Variants in GPC1 observed in about 807,000 individuals in gnomAD.
GPC1 encodes the protein glypican 1.
GPC1 carries 26 observed loss-of-function variants against 51.5 expected under a neutral mutation model. The ratio of observed to expected loss-of-function variants is 0.50; its 90% CI spans 0.37 to 0.70. The LOEUF is 0.70. Ranked by LOEUF, GPC1 falls within the 30% of genes least tolerant of loss-of-function variation. The pLI, the probability that GPC1 is intolerant of heterozygous loss-of-function variation, is 0.00. For missense variants in GPC1, 775 were observed against 800.5 expected, an observed-to-expected ratio of 0.97 and a Z score of 0.38; for synonymous variants, 380 against 348.3, an observed-to-expected ratio of 1.09 and a Z score of -1.01.
At chr2:240,447,443 CGGAT>C (rs2074058321) in intron 1 of GPC1, among the ~76,000 whole-genome samples, 1 of 152,172 alleles carries the variant, frequency 6.6e-6, no homozygotes, top group Non-Finnish European at 1.5e-5. Flanking sequence ...GTGGAGCCGG[CGGAT>C]GGAGGGGGAG....
chr2:240,463,096 G>A (rs543815552), intron 3 of GPC1, among the ~76,000 whole-genome samples: 21 of 151,312 alleles, frequency 1.4e-4, no homozygotes, highest in Non-Finnish European at 2.7e-4. Context: ...GGCAAGTCAT[G>A]CCTTGGTTTC....
At chr2:240,454,916 G>A in intron 1 of GPC1, 1 of 219,210 alleles carries the variant, frequency 4.6e-6, no homozygotes, top group South Asian at 5.2e-5. Flanking sequence ...GCCACTGTCA[G>A]GATGGGAGTC....
chr2:240,450,943 G>A (rs920631946), intron 1 of GPC1: 6 of 404,800 alleles, frequency 1.5e-5, no homozygotes, highest in Admixed American at 2.8e-5. Context: ...TGAGGGGAAA[G>A]CATGTGAGAT....
chr2:240,464,541 A>AT (rs2074243660), intron 4 of GPC1, 75 bp from the exon 5 acceptor site: 1 of 289,106 alleles, frequency 3.5e-6, no homozygotes, highest in Non-Finnish European at 5.1e-6. Context: ...ACACGTGGTG[A>AT]CGCCTGCGTG....
intron 4 of GPC1, 116 bp from the exon 5 acceptor site, chr2:240,464,500 G>A: frequency 2.2e-6 from 3 of 1,382,492 alleles, no homozygotes; most frequent in Non-Finnish European, 3.1e-6. Flanking sequence ...CTCCCATGCT[G>A]ACCCGTGCTG....
chr2:240,457,354 G>T (rs1303080259), intron 1 of GPC1: 2 of 445,256 alleles, frequency 4.5e-6, no homozygotes, highest in Admixed American at 4.7e-5. Flanking sequence ...AGCCGCCCAA[G>T]CCCGGATTCG....
At chr2:240,436,535 A>G (rs1018889621) in intron 1 of GPC1, among the ~76,000 whole-genome samples, 3 of 152,150 alleles carry the variant, frequency 2.0e-5, no homozygotes, top group African/African-American at 7.2e-5. Context: ...GGCGCCGCTG[A>G]CGGTGGCCGC....
At chr2:240,452,885 C>G (rs762032345) in intron 1 of GPC1, 2 of 239,336 alleles carry the variant, frequency 8.4e-6, no homozygotes, top group South Asian at 8.0e-5. Flanking sequence ...GACCGCAGCC[C>G]GCCCTCGTCC....
chr2:240,462,242 T>A lies in GPC1; in HGVS notation c.377T>A (p.Phe126Tyr). Reference protein sequence around the residue: ...NDSERTLQATFPGAFGELYTQ... With the variant: ...NDSERTLQATYPGAFGELYTQ... ...TCGGAGCGGACGCTGCAGGCCACCT[T>A]CCCCGGCGCCTTCGGAGAGCTGTAC... Residue 126 changes from phenylalanine to tyrosine, a missense_variant, in exon 3 of 9, where the codon TTC becomes TAC. Physicochemically the swap from Phe to Tyr is conservative, Grantham distance 22. Transcript: ENST00000264039. 6.2e-7 allele frequency: 1 copy of A among 1,610,304 alleles called. No individual in the cohort carries two copies. The highest frequency in any genetic ancestry group is 1.3e-5 in the African/African-American group (1 of 74,962).
chr2:240,459,337 G>C (rs1045064047), intron 2 of GPC1, 149 bp downstream of exon 2: 1 of 779,482 alleles, frequency 1.3e-6, no homozygotes, highest in African/African-American at 1.7e-5. Context: ...TAGGGCGCTG[G>C]GTTGAAGCCC....
intron 8 of GPC1, 30 bp from the exon 9 acceptor site, chr2:240,466,020 GTGGGGACC>G: frequency 7.2e-7 from 1 of 1,385,038 alleles, no homozygotes; most frequent in Non-Finnish European, 1.0e-6. Flanking sequence ...GGGGTCTCCT[GTGGGGACC>G]TGCCTGCCGG....
chr2:240,450,603 G>C (rs1361674562), intron 1 of GPC1: 1 of 470,818 alleles, frequency 2.1e-6, no homozygotes, highest in Non-Finnish European at 4.4e-6. Flanking sequence ...GAACAAGGGA[G>C]CCCTCACCAT....
intron 2 of GPC1, 58 bp from the exon 3 acceptor site, chr2:240,462,133 G>A: frequency 6.7e-7 from 1 of 1,481,610 alleles, no homozygotes; most frequent in Non-Finnish European, 9.0e-7. Context: ...CCCTGCTCTG[G>A]TCCAGCTGCC....
chr2:240,457,335 C>T (rs926660254), intron 1 of GPC1: 27 of 441,648 alleles, frequency 6.1e-5, no homozygotes, highest in African/African-American at 4.6e-4. Context: ...GCTACAGGGG[C>T]CAAGCGGCAG....
At chr2:240,445,292 C>T (rs2074042121) in intron 1 of GPC1, among the ~76,000 whole-genome samples, 1 of 152,136 alleles carries the variant, frequency 6.6e-6, no homozygotes, top group African/African-American at 2.4e-5. Context: ...GGGAAGGTCC[C>T]CTGGGATAGG....
At chr2:240,439,823 C>T (rs2074006649) in intron 1 of GPC1, among the ~76,000 whole-genome samples, 1 of 152,226 alleles carries the variant, frequency 6.6e-6, no homozygotes, top group African/African-American at 2.4e-5. Flanking sequence ...TGGTCCTCAG[C>T]CTTTGCTGTG....
chr2:240,465,115 C>T lies in GPC1; in HGVS notation c.1173C>T (p.Asp391=), dbSNP rs2074250059. The T allele has an allele frequency of 1.9e-6, 3 of 1,611,494 alleles. No individual in the cohort carries two copies. The highest frequency in any genetic ancestry group is 1.7e-5 in the Admixed American group (1 of 59,832). ...AGGCCCAGCTCCGCGACGTCCAGGA[C>T]TTCTGGATCAGCCTCCCAGGGACAC... The part of the protein sequence containing the change: ...EAKAQLRDVQ[D]FWISLPGTLC... The change falls in exon 7 of 9, where the codon GAC becomes GAT. Residue 391 remains aspartate (D), a synonymous_variant. Coordinates refer to ENST00000264039, the MANE Select transcript of GPC1 (RefSeq NM_002081.3).
rs1276340961 is a variant in GPC1 at position 240,436,029 on chromosome 2, G to C, written c.111G>C (p.Gln37His). The C allele has an allele frequency of 1.4e-6, 2 of 1,385,558 alleles. No individual in the cohort carries two copies. The highest frequency in any genetic ancestry group is 1.5e-5 in the African/African-American group (1 of 67,260). The allele number at this position is 1,385,558 out of a possible 1,614,324, so 85.8% of individuals were successfully genotyped here. A position where few individuals can be genotyped will look rare whatever the true frequency, so the allele number is the denominator to read the frequency against. The change falls in exon 1 of 9, where the codon CAG (glutamine) becomes CAC (histidine). Residue 37 changes from glutamine to histidine, a missense_variant. Gln to His is a conservative substitution (Grantham distance 24). Transcript: ENST00000264039. ...GCCGGAGCTGCGGCGAGGTCCGCCA[G>C]ATCTACGGAGCCAAGGGCTTCAGCC... Reference protein sequence around the residue: ...SKSRSCGEVRQIYGAKGFSLS... With the variant: ...SKSRSCGEVRHIYGAKGFSLS...
chr2:240,446,702 C>T (rs2074052913), intron 1 of GPC1, among the ~76,000 whole-genome samples: 1 of 152,178 alleles, frequency 6.6e-6, no homozygotes, highest in African/African-American at 2.4e-5. Flanking sequence ...CCACCTGGGG[C>T]TCCTCCCCAA....
Sources: allele counts gnomAD v4.1 joint callset (sites outside exome capture counted in the v4.1 genomes callset), GRCh38; gene constraint gnomAD v4.1.1; transcripts MANE v1.5; gene names NCBI Gene and HGNC (gene_info 2026-07-23, HGNC 2026-07-21).